The following PATJ variants were observed in gnomAD, a reference collection of about 807,000 sequenced individuals.
PATJ encodes PATJ crumbs cell polarity complex component, also known as inaD-like protein.
Under a neutral mutation model 224.9 loss-of-function variants are expected in PATJ, and 190 were observed. The ratio of observed to expected loss-of-function variants is 0.84; its 90% CI spans 0.75 to 0.95. The LOEUF (loss-of-function observed/expected upper bound fraction) is 0.95, where lower values mean the gene tolerates loss of function less well. Among genes scored for constraint, PATJ ranks in the 40% least tolerant of loss-of-function variants. PATJ has a pLI of 0.00. For missense variants in PATJ, 2,121 were observed against 2,270.3 expected (o/e 0.93, Z 1.34); for synonymous variants, 769 against 820.3 (o/e 0.94, Z 1.07).
rs982807326 is a variant in PATJ at position 62,163,802 on chromosome 1, A to G, written c.*2748A>G. 4 of 152,220 alleles carry G rather than the reference A, an allele frequency of 2.6e-5. No homozygotes were observed. The highest frequency in any genetic ancestry group is 5.9e-5 in the Non-Finnish European group (4 of 68,042). 9.4% of individuals were successfully genotyped at this position (152,220 alleles called of 1,614,324 possible). On this transcript the variant is annotated 3_prime_UTR_variant, in exon 44 of 44. Transcript: ENST00000642238. ...TGGGCCATTTCAGTATAGTAATGAT[A>G]TCACTAATCGGAATTAGCATGAGAG...
chr1:62,034,251 T>C (rs1191399172), intron 29 of PATJ, among the ~76,000 whole-genome samples: 4 of 152,024 alleles, frequency 2.6e-5, no homozygotes, highest in African/African-American at 7.3e-5. Flanking sequence ...AAGACCAGCA[T>C]GGCCAACATG....
chr1:62,010,310 C>G (rs146567656), intron 28 of PATJ, among the ~76,000 whole-genome samples: 1,783 of 136,058 alleles, frequency 0.013, 16 homozygotes, highest in Non-Finnish European at 0.018. Context: ...ATCAGCTTCT[C>G]CAAAATTCCT....
chr1:61,917,838 G>A (rs1673665469), intron 26 of PATJ, among the ~76,000 whole-genome samples: 1 of 152,100 alleles, frequency 6.6e-6, no homozygotes, highest in Non-Finnish European at 1.5e-5. Context: ...CGAATCACAA[G>A]GTCAGGAGTT....
Position 61,901,431 on chromosome 1 carries a change from C to T in PATJ, c.3353C>T (p.Ala1118Val). ...LEDSPAGKTN[A>V]LKTGDKILEV... ...GACAGTCCAGCAGGGAAGACGAACG[C>T]ACTTAAAACTGGAGATAAAATACTT... The change falls in exon 24 of 44, where the codon GCA becomes GTA. Residue 1118 changes from alanine (A) to valine (V), a missense_variant. Transcript: ENST00000642238. 1 of 1,583,566 alleles carries T rather than the reference C, an allele frequency of 6.3e-7. No homozygotes were observed. Among genetic ancestry groups the T allele is most frequent in the Non-Finnish European group, 8.5e-7 (1 of 1,169,696 alleles).
chr1:62,121,331 G>C, intron 38 of PATJ, 36 bp downstream of exon 38: 2 of 1,142,624 alleles, frequency 1.8e-6, no homozygotes, highest in Non-Finnish European at 2.5e-6. Flanking sequence ...AAACTATCCT[G>C]TTACCCAAAT....
intron 27 of PATJ, among the ~76,000 whole-genome samples, chr1:61,947,331 C>A (rs1678893187): frequency 6.6e-6 from 1 of 152,168 alleles, no homozygotes; most frequent in Admixed American, 6.6e-5. Flanking sequence ...ATCATCTAAG[C>A]CCAAAATCTC....
intron 43 of PATJ, among the ~76,000 whole-genome samples, chr1:62,154,130 A>G (rs1006442869): frequency 1.3e-5 from 2 of 152,222 alleles, no homozygotes; most frequent in Non-Finnish European, 2.9e-5. Flanking sequence ...TACTGAGCTC[A>G]GGCGATCCAC....
intron 27 of PATJ, among the ~76,000 whole-genome samples, chr1:61,966,795 T>C (rs1274565095): frequency 6.6e-6 from 1 of 152,156 alleles, no homozygotes. Flanking sequence ...GATTATATGC[T>C]AAACAAGAGG....
chr1:61,950,613 A>G (rs1679501422), intron 27 of PATJ, among the ~76,000 whole-genome samples: 1 of 152,226 alleles, frequency 6.6e-6, no homozygotes, highest in Non-Finnish European at 1.5e-5. Flanking sequence ...AGCAATTATT[A>G]CCAAGCATTT....
chr1:61,937,168 C>G (rs1677010263), intron 27 of PATJ, among the ~76,000 whole-genome samples: 17 of 152,104 alleles, frequency 1.1e-4, no homozygotes, highest in Admixed American at 1.0e-3. Flanking sequence ...AACATTTTTT[C>G]AGCTTTGTGG....
chr1:61,869,594 T>C (rs980600478), intron 20 of PATJ, among the ~76,000 whole-genome samples: 1 of 152,194 alleles, frequency 6.6e-6, no homozygotes, highest in African/African-American at 2.4e-5. Flanking sequence ...CTGTTAAATC[T>C]AAAGTATCTT....
intron 7 of PATJ, among the ~76,000 whole-genome samples, chr1:61,776,023 C>T (rs939247212): frequency 6.6e-6 from 1 of 152,134 alleles, no homozygotes; most frequent in Non-Finnish European, 1.5e-5. Context: ...GATTATTGCC[C>T]AGTTACATAT....
intron 31 of PATJ, among the ~76,000 whole-genome samples, chr1:62,052,272 C>T (rs1011886399): frequency 2.0e-5 from 3 of 151,970 alleles, no homozygotes; most frequent in Non-Finnish European, 2.9e-5. Flanking sequence ...ATATATCTTG[C>T]GACTGCCACA....
chr1:61,964,884 G>A (rs1681861378), intron 27 of PATJ, among the ~76,000 whole-genome samples: 1 of 151,820 alleles, frequency 6.6e-6, no homozygotes, highest in South Asian at 2.1e-4. Context: ...GGCTGAGGCA[G>A]GCAGAACACA....
Position 61,919,005 on chromosome 1 carries a change from A to T in PATJ, c.3570+4341A>T, listed in dbSNP as rs916205214. ...AAATAAAATAAAACAAATAATAATG[A>T]AAAATAAATTGTAAAAAATAAAATT... is the stretch of plus-strand genomic sequence containing the variant. On this transcript the variant is annotated intron_variant, in intron 26 of 43. Coordinates refer to ENST00000642238, the MANE Select transcript of PATJ (RefSeq NM_001350145.3). Among the ~76,000 whole-genome samples, 4 of 152,176 alleles carry T rather than the reference A, an allele frequency of 2.6e-5. No individual in the cohort carries two copies. The East Asian group carries it at 7.7e-4, about 29-fold the overall frequency.
intron 27 of PATJ, among the ~76,000 whole-genome samples, chr1:61,974,817 A>G (rs1448025541): frequency 1.3e-5 from 2 of 152,034 alleles, no homozygotes; most frequent in East Asian, 3.9e-4. Context: ...TTTGGATGAT[A>G]TTGTTTTGCC....
chr1:62,039,775 G>A (rs1471664678), intron 30 of PATJ, among the ~76,000 whole-genome samples: 1 of 152,170 alleles, frequency 6.6e-6, no homozygotes, highest in African/African-American at 2.4e-5. Flanking sequence ...ACTTTTAAAA[G>A]GCAGAGGAGG....
rs1646615416 is a variant in PATJ at position 61,771,624 on chromosome 1, A to C, written c.718A>C (p.Thr240Pro). 1 of 1,569,522 alleles carries C rather than the reference A, an allele frequency of 6.4e-7. No homozygotes were observed. Among genetic ancestry groups the C allele is most frequent in the Non-Finnish European group, 8.6e-7 (1 of 1,163,092 alleles). ...SSLNDTTLPE[T>P]VCWGHVEEVE... ...CCTAAATGATACAACTCTGCCTGAAACAGTGAGTTGCAAATTTGAAAAAAT... is the reference window on the plus strand; with the variant it reads ...CCTAAATGATACAACTCTGCCTGAACCAGTGAGTTGCAAATTTGAAAAAAT... Residue 240 changes from threonine to proline, a missense_variant and splice_region_variant, in exon 6 of 44, where the codon ACA (threonine) becomes CCA (proline). By Grantham distance (38) the Thr-to-Pro change is conservative (BLOSUM62 -1). Transcript: ENST00000642238.
chr1:62,006,171 A>G (rs7530070), intron 28 of PATJ, among the ~76,000 whole-genome samples: 18,200 of 152,016 alleles, frequency 0.12, 1,328 homozygotes, highest in Non-Finnish European at 0.17. Context: ...CTGGAGTGCA[A>G]TGGCGCAATC....
Sources: gnomAD v4.1 joint callset for allele counts (sites outside exome capture counted in the v4.1 genomes callset) on GRCh38, gnomAD v4.1.1 for gene constraint, MANE v1.5 for transcripts, NCBI Gene and HGNC (gene_info 2026-07-23, HGNC 2026-07-21) for gene names.